Variants in XIRP2 observed in about 807,000 individuals in gnomAD.
XIRP2 encodes the protein xin actin-binding repeat-containing protein 2.
Under a neutral mutation model 277.0 loss-of-function variants are expected in XIRP2, and 236 were observed. The ratio of observed to expected loss-of-function variants is 0.85; its 90% CI spans 0.77 to 0.95. The LOEUF (loss-of-function observed/expected upper bound fraction) is 0.95. Ranked by LOEUF, XIRP2 falls within the 40% of genes least tolerant of loss-of-function variation. The pLI, the probability that XIRP2 is intolerant of heterozygous loss-of-function variation, is 0.00. For synonymous variants in XIRP2, 1,490 were observed against 1,416.5 expected, an observed-to-expected ratio of 1.05 and a Z score of -1.17; for missense variants, 4,640 against 4,157.5, an observed-to-expected ratio of 1.12 and a Z score of -3.19.
At chr2:167,068,222 C>T (rs1161652026) in intron 2 of XIRP2, among the ~76,000 whole-genome samples, 1 of 152,052 alleles carries the variant, frequency 6.6e-6, no homozygotes, top group Non-Finnish European at 1.5e-5. Flanking sequence ...TCTAGAATTC[C>T]GTTTGATTAT....
intron 5 of XIRP2, among the ~76,000 whole-genome samples, chr2:167,219,911 C>G (rs146975460): frequency 6.6e-6 from 1 of 152,108 alleles, no homozygotes; most frequent in Admixed American, 6.6e-5. Flanking sequence ...CTCTTTAATA[C>G]TGCAAAAGAC....
intron 2 of XIRP2, among the ~76,000 whole-genome samples, chr2:167,062,652 C>T (rs1463050638): frequency 2.0e-5 from 3 of 152,080 alleles, no homozygotes; most frequent in African/African-American, 7.2e-5. Context: ...CTTGAGTCTT[C>T]TTTGTGGAAA....
At chr2:167,071,940 G>C (rs1689447966) in intron 2 of XIRP2, among the ~76,000 whole-genome samples, 1 of 152,158 alleles carries the variant, frequency 6.6e-6, no homozygotes, top group Non-Finnish European at 1.5e-5. Context: ...CCCTACAGGT[G>C]GGGAGATAAC....
intron 2 of XIRP2, among the ~76,000 whole-genome samples, chr2:166,977,907 T>C (rs1686758111): frequency 6.6e-6 from 1 of 152,206 alleles, no homozygotes; most frequent in Admixed American, 6.5e-5. Flanking sequence ...TAAACTTACA[T>C]ATTCTGTATA....
intron 5 of XIRP2, among the ~76,000 whole-genome samples, chr2:167,231,494 T>C (rs1459665460): frequency 1.3e-5 from 2 of 152,076 alleles, no homozygotes; most frequent in Non-Finnish European, 2.9e-5. Context: ...CTTGTGCTTT[T>C]AACTGGTTTC....
At chr2:167,029,737 G>A (rs1300980060) in intron 2 of XIRP2, among the ~76,000 whole-genome samples, 4 of 152,086 alleles carry the variant, frequency 2.6e-5, no homozygotes, top group Non-Finnish European at 5.9e-5. Context: ...AGTTAGGGAG[G>A]AGTCCCTCTT....
intron 2 of XIRP2, among the ~76,000 whole-genome samples, chr2:167,079,708 C>T (rs1326153628): frequency 1.3e-5 from 2 of 151,596 alleles, no homozygotes; most frequent in Non-Finnish European, 2.9e-5. Flanking sequence ...TCTGATTGTA[C>T]GTCTTTGGAT....
chr2:167,046,064 A>G (rs914763801), intron 2 of XIRP2, among the ~76,000 whole-genome samples: 4 of 151,910 alleles, frequency 2.6e-5, no homozygotes, highest in African/African-American at 9.7e-5. Context: ...TTTGTTGTAG[A>G]GATATTTCAC....
At chr2:167,110,507 T>C (rs1690722490) in intron 2 of XIRP2, among the ~76,000 whole-genome samples, 1 of 152,220 alleles carries the variant, frequency 6.6e-6, no homozygotes, top group Non-Finnish European at 1.5e-5. Flanking sequence ...CTGTACTCTC[T>C]ATTCTGTTCC....
At chr2:167,077,008 T>C (rs898290482) in intron 2 of XIRP2, among the ~76,000 whole-genome samples, 3 of 151,778 alleles carry the variant, frequency 2.0e-5, no homozygotes, top group African/African-American at 7.3e-5. Flanking sequence ...TTTTTGTGTG[T>C]TTTTTTGTTT....
chr2:167,219,859 T>C (rs1376399529), intron 5 of XIRP2, among the ~76,000 whole-genome samples: 1 of 152,206 alleles, frequency 6.6e-6, no homozygotes, highest in East Asian at 1.9e-4. Flanking sequence ...GCAATTTATG[T>C]GAAAATATTT....
At chr2:167,171,349 G>T (rs1692685087) in intron 3 of XIRP2, among the ~76,000 whole-genome samples, 1 of 152,104 alleles carries the variant, frequency 6.6e-6, no homozygotes, top group Non-Finnish European at 1.5e-5. Flanking sequence ...TACTCATGGG[G>T]TACTTTGAAA....
rs781498748 is a variant in XIRP2, at chr2:167,249,880, C to T, written c.8488C>T (p.Arg2830Ter). 43 of 1,613,146 alleles carry T rather than the reference C, an allele frequency of 2.7e-5. No homozygotes were observed. Among genetic ancestry groups the T allele is most frequent in the African/African-American group, 4.0e-5 (3 of 74,746 alleles). ...AAATCAGGGACCATCAATGATTGGTCGAAAAGAAGAGAGATTAATAACTGA... is the reference window on the plus strand; with the variant it reads ...AAATCAGGGACCATCAATGATTGGTTGAAAAGAAGAGAGATTAATAACTGA... The part of the protein sequence containing the change: ...EKNQGPSMIG[R>*]KEERLITERK... The change falls in exon 9 of 11, where the codon CGA becomes TGA. Residue 2830 changes from arginine to a stop codon, truncating the protein, a stop_gained. Transcript: ENST00000409195. LOFTEE classifies it high-confidence loss of function.
intron 2 of XIRP2, among the ~76,000 whole-genome samples, chr2:166,920,059 C>T (rs1230080340): frequency 1.3e-5 from 2 of 152,088 alleles, no homozygotes. Flanking sequence ...AATGCCTCGC[C>T]TCATGCTAAC....
chr2:167,230,154 T>C (rs1486729691), intron 5 of XIRP2, among the ~76,000 whole-genome samples: 3 of 151,920 alleles, frequency 2.0e-5, no homozygotes, highest in African/African-American at 7.3e-5. Context: ...TCTGTAGCAT[T>C]TGAAATTTAT....
chr2:167,002,163 T>C (rs1026405989), intron 2 of XIRP2, among the ~76,000 whole-genome samples: 3 of 152,110 alleles, frequency 2.0e-5, no homozygotes, highest in South Asian at 2.1e-4. Context: ...ATTGTATAAC[T>C]ATACAACAAT....
intron 2 of XIRP2, among the ~76,000 whole-genome samples, chr2:166,959,854 A>C (rs1686257078): frequency 6.6e-6 from 1 of 151,768 alleles, no homozygotes; most frequent in Non-Finnish European, 1.5e-5. Flanking sequence ...CAGGTCTATT[A>C]AACACAAAGC....
At chr2:166,939,680 A>G (rs1272827708) in intron 2 of XIRP2, among the ~76,000 whole-genome samples, 1 of 75,308 alleles carries the variant, frequency 1.3e-5, no homozygotes, top group African/African-American at 7.0e-5. Context: ...ACTCCATCAC[A>G]AAAAAAAAAA....
At chr2:167,076,876 G>C (rs1410731898) in intron 2 of XIRP2, among the ~76,000 whole-genome samples, 1 of 152,114 alleles carries the variant, frequency 6.6e-6, no homozygotes, top group Non-Finnish European at 1.5e-5. Flanking sequence ...CGGTCTCTTA[G>C]GTCGGAGTGC....
Sources: allele counts gnomAD v4.1 joint callset (sites outside exome capture counted in the v4.1 genomes callset), GRCh38; gene constraint gnomAD v4.1.1; transcripts MANE v1.5; gene names NCBI Gene and HGNC (gene_info 2026-07-23, HGNC 2026-07-21).